Variants in STX16 observed in about 807,000 individuals in gnomAD.
STX16 encodes syntaxin 16.
STX16 carries 28 observed loss-of-function variants against 42.7 expected under a neutral mutation model. The observed-to-expected ratio is 0.66, with a 90% CI of 0.49 to 0.90. STX16 has a LOEUF of 0.90. STX16 is among the 40% of genes least tolerant of loss of function. The pLI is 0.00. For missense variants in STX16, 361 were observed against 420.9 expected (o/e 0.86, Z 1.24); for synonymous variants, 156 against 155.2 (o/e 1.00, Z -0.04).
At chr20:58,656,778 C>T (rs1427538776) in intron 1 of STX16, among the ~76,000 whole-genome samples, 1 of 152,196 alleles carries the variant, frequency 6.6e-6, no homozygotes, top group Non-Finnish European at 1.5e-5. Flanking sequence ...AACCTGAGGT[C>T]CTTATTCAGG....
chr20:58,676,816 A>G lies in STX16; in HGVS notation c.*525A>G, dbSNP rs1221588544. Reference sequence around the variant, plus strand: ...TGAAAACAAACTAAGAAGTCCTTTAAGAATTTATAATCCGTTCCCCATTAA... The same window carrying G: ...TGAAAACAAACTAAGAAGTCCTTTAGGAATTTATAATCCGTTCCCCATTAA... On this transcript the variant is annotated 3_prime_UTR_variant, in exon 9 of 9. Transcript: ENST00000371141. 6.5e-6 allele frequency: 1 copy of G among 152,708 alleles called. No individual in the cohort carries two copies. The highest frequency in any genetic ancestry group is 1.5e-5 in the Non-Finnish European group (1 of 68,068). 9.5% of individuals were successfully genotyped at this position (152,708 alleles called of 1,614,324 possible). A position where few individuals can be genotyped will look rare whatever the true frequency, so the allele number is the denominator to read the frequency against.
At chr20:58,667,357 C>T (rs768787311) in intron 2 of STX16, 133 bp from the exon 3 acceptor site, 37 of 793,838 alleles carry the variant, frequency 4.7e-5, no homozygotes, top group Non-Finnish European at 6.9e-5. Context: ...TTTCAGGGAG[C>T]AACATTTAAG....
At chr20:58,671,377 G>GA in intron 7 of STX16, 80 bp downstream of exon 7, 2 of 1,457,836 alleles carry the variant, frequency 1.4e-6, no homozygotes, top group Non-Finnish European at 1.8e-6. Flanking sequence ...TCCTTTCAGG[G>GA]AAAAAAATTG....
chr20:58,668,605 A>G (rs1161327867), intron 4 of STX16, among the ~76,000 whole-genome samples: 1 of 151,876 alleles, frequency 6.6e-6, no homozygotes, highest in Non-Finnish European at 1.5e-5. Context: ...GCTAATTATC[A>G]GAGGAGTGTG....
At chr20:58,669,033 G>A (rs1434779488) in intron 4 of STX16, among the ~76,000 whole-genome samples, 1 of 152,156 alleles carries the variant, frequency 6.6e-6, no homozygotes, top group East Asian at 1.9e-4. Context: ...TTTCGGATGA[G>A]GGATACTCAG....
At position 58,678,193 on chromosome 20, in the gene STX16, C is replaced by G. The variant is rs1238216864; in HGVS notation, c.*1902C>G. The stretch of plus-strand genomic sequence containing the variant: ...AGTCCACAGTGGCAATACCGGACTT[C>G]TGTTCAAGCTTTTTAAAGTGCTGAG... On this transcript the variant is annotated 3_prime_UTR_variant, in exon 9 of 9. Coordinates refer to ENST00000371141, the MANE Select transcript of STX16 (RefSeq NM_001001433.3). 1 of 152,232 alleles carries G rather than the reference C, an allele frequency of 6.6e-6. No homozygotes were observed. The allele number at this position is 152,232 out of a possible 1,614,324, so 9.4% of individuals were successfully genotyped here.
At position 58,651,944 on chromosome 20, in the gene STX16, T is replaced by C. The variant is rs181473720; in HGVS notation, c.-63T>C. 1.4e-3 allele frequency: 2,247 copies of C among 1,565,576 alleles called. 3 individuals are homozygous for C. Among genetic ancestry groups the C allele is most frequent in the Non-Finnish European group, 1.8e-3 (2,075 of 1,140,152 alleles). On this transcript the variant is annotated 5_prime_UTR_variant, in exon 1 of 9. Transcript: ENST00000371141. ...GCCAGCCGGGCCACGAGAAAGAAAG[T>C]GAATAAATCAGGAATATAAGTGGGC...
chr20:58,676,108 G>A (rs2084114668), intron 8 of STX16, 79 bp from the exon 9 acceptor site: 3 of 1,141,974 alleles, frequency 2.6e-6, no homozygotes, highest in East Asian at 2.3e-5. Flanking sequence ...AGATCTGGAA[G>A]CCTCATTCTG....
intron 2 of STX16, among the ~76,000 whole-genome samples, chr20:58,665,226 T>C (rs1243746267): frequency 1.3e-5 from 2 of 152,356 alleles, no homozygotes; most frequent in East Asian, 3.9e-4. Context: ...TGCGCCTCTC[T>C]GTCCACGGAT....
intron 2 of STX16, among the ~76,000 whole-genome samples, chr20:58,659,847 A>G (rs1379793764): frequency 6.6e-6 from 1 of 152,230 alleles, no homozygotes; most frequent in Admixed American, 6.5e-5. Flanking sequence ...GGCTTTGGGA[A>G]GATCGTTTAC....
chr20:58,661,676 G>A (rs1054786233), intron 2 of STX16, among the ~76,000 whole-genome samples: 1 of 152,238 alleles, frequency 6.6e-6, no homozygotes, highest in Non-Finnish European at 1.5e-5. Context: ...TCACTCAGCT[G>A]GTTGTGATTG....
intron 2 of STX16, among the ~76,000 whole-genome samples, chr20:58,660,924 T>C (rs218473): frequency 0.25 from 38,097 of 150,082 alleles, 6,133 homozygotes; most frequent in East Asian, 0.51. Flanking sequence ...ACTTTGCCAC[T>C]AAAAACAATT....
intron 8 of STX16, among the ~76,000 whole-genome samples, chr20:58,675,177 C>T (rs1005222013): frequency 2.0e-5 from 3 of 152,120 alleles, no homozygotes; most frequent in Admixed American, 6.5e-5. Flanking sequence ...GTGCTGTCCC[C>T]GTGCCTGATG....
chr20:58,661,634 T>C (rs777636910), intron 2 of STX16, among the ~76,000 whole-genome samples: 2 of 152,254 alleles, frequency 1.3e-5, no homozygotes, highest in Non-Finnish European at 2.9e-5. Context: ...TTTATTTACC[T>C]CGTGCATTCA....
chr20:58,662,693 A>C (rs2083729153), intron 2 of STX16, among the ~76,000 whole-genome samples: 1 of 151,600 alleles, frequency 6.6e-6, no homozygotes, highest in African/African-American at 2.4e-5. Context: ...TTATTTATTT[A>C]TTTTTGTATT....
chr20:58,662,607 T>A (rs746798539), intron 2 of STX16, among the ~76,000 whole-genome samples: 80 of 152,318 alleles, frequency 5.3e-4, no homozygotes, highest in Admixed American at 1.6e-3. Context: ...GCCTCCCCAG[T>A]TCAAGCGATT....
intron 1 of STX16, among the ~76,000 whole-genome samples, chr20:58,653,408 C>T (rs2083517142): frequency 6.6e-6 from 1 of 152,082 alleles, no homozygotes; most frequent in South Asian, 2.1e-4. Context: ...CATTTTAAGC[C>T]GTGTGAGCGG....
chr20:58,660,892 T>C (rs1728334749), intron 2 of STX16, among the ~76,000 whole-genome samples: 1 of 151,782 alleles, frequency 6.6e-6, no homozygotes, highest in Non-Finnish European at 1.5e-5. Context: ...TGGATATATA[T>C]TTTTAAACCA....
At chr20:58,661,427 A>G (rs2083696202) in intron 2 of STX16, among the ~76,000 whole-genome samples, 2 of 152,160 alleles carry the variant, frequency 1.3e-5, no homozygotes, top group Non-Finnish European at 1.5e-5. Context: ...ACGCTCTGTG[A>G]TCAGAGGCCC....
Sources: gnomAD v4.1 joint callset for allele counts (sites outside exome capture counted in the v4.1 genomes callset) on GRCh38, gnomAD v4.1.1 for gene constraint, MANE v1.5 for transcripts, NCBI Gene and HGNC (gene_info 2026-07-23, HGNC 2026-07-21) for gene names.